AKAP19: variants seen among roughly 807,000 people sequenced by gnomAD.
The protein encoded by AKAP19 is small A-kinase anchoring protein.
chr2:189,941,495 G>A, the AKAP19 span, among the ~76,000 whole-genome samples: 5 of 151,366 alleles, frequency 3.3e-5, no homozygotes, highest in African/African-American at 9.8e-5. Flanking sequence ...GAATTTAAAC[G>A]TAAAGTTTTT....
the AKAP19 span, among the ~76,000 whole-genome samples, chr2:189,927,175 TG>T: frequency 6.6e-6 from 1 of 152,194 alleles, no homozygotes; most frequent in South Asian, 2.1e-4. Flanking sequence ...ATTACAGGCA[TG>T]AGTTCCCATG....
the AKAP19 span, among the ~76,000 whole-genome samples, chr2:189,988,282 C>T: frequency 2.6e-5 from 4 of 152,098 alleles, no homozygotes; most frequent in Admixed American, 6.6e-5. Context: ...CAAAGAACCC[C>T]GTAAAACTTT....
At chr2:190,165,582 A>G in the AKAP19 span, among the ~76,000 whole-genome samples, 1 of 152,228 alleles carries the variant, frequency 6.6e-6, no homozygotes, top group Non-Finnish European at 1.5e-5. Context: ...AGAACTTTCA[A>G]TTTACAGAAA....
chr2:189,976,035 C>A, the AKAP19 span, among the ~76,000 whole-genome samples: 1 of 152,200 alleles, frequency 6.6e-6, no homozygotes, highest in Non-Finnish European at 1.5e-5. Context: ...AAGCGGCGTT[C>A]CTTGGAGGGG....
chr2:189,901,749 A>G, the AKAP19 span, among the ~76,000 whole-genome samples: 1 of 152,206 alleles, frequency 6.6e-6, no homozygotes, highest in East Asian at 1.9e-4. Flanking sequence ...CCTCAAACTT[A>G]ATAAATAATT....
chr2:189,960,895 A>G, the AKAP19 span, among the ~76,000 whole-genome samples: 1 of 152,140 alleles, frequency 6.6e-6, no homozygotes, highest in African/African-American at 2.4e-5. Flanking sequence ...AAAAGAGACT[A>G]TTGGTTAACT....
At chr2:189,881,128 A>G in the AKAP19 span, among the ~76,000 whole-genome samples, 1 of 152,140 alleles carries the variant, frequency 6.6e-6, no homozygotes, top group African/African-American at 2.4e-5. Context: ...ATTTTACTGC[A>G]AAGCCAAATG....
At chr2:190,094,483 C>T in the AKAP19 span, among the ~76,000 whole-genome samples, 2 of 152,192 alleles carry the variant, frequency 1.3e-5, no homozygotes, top group Non-Finnish European at 2.9e-5. Context: ...TTACAAAATT[C>T]CTTACTCTTT....
the AKAP19 span, among the ~76,000 whole-genome samples, chr2:189,956,597 G>T: frequency 1.3e-5 from 2 of 151,238 alleles, no homozygotes; most frequent in African/African-American, 2.4e-5. Flanking sequence ...ATTTTTTTTT[G>T]AGATAGGGTC....
chr2:189,952,915 T>C, the AKAP19 span, among the ~76,000 whole-genome samples: 1 of 152,136 alleles, frequency 6.6e-6, no homozygotes, highest in African/African-American at 2.4e-5. Flanking sequence ...GACTTGAAAA[T>C]TGCAGACTGT....
chr2:190,112,947 T>C, the AKAP19 span, among the ~76,000 whole-genome samples: 1 of 152,120 alleles, frequency 6.6e-6, no homozygotes, highest in African/African-American at 2.4e-5. Flanking sequence ...TTTTTTATTA[T>C]TAAATAACTG....
the AKAP19 span, among the ~76,000 whole-genome samples, chr2:189,915,655 A>C: frequency 1.3e-5 from 2 of 152,154 alleles, no homozygotes; most frequent in African/African-American, 2.4e-5. Flanking sequence ...ACTTAAATAT[A>C]GTTTCCCTTG....
At chr2:190,006,845 C>T in the AKAP19 span, among the ~76,000 whole-genome samples, 2 of 151,898 alleles carry the variant, frequency 1.3e-5, no homozygotes, top group African/African-American at 2.4e-5. Context: ...AGTGAAACCA[C>T]GACTCTACTA....
At chr2:189,992,246 G>A in the AKAP19 span, among the ~76,000 whole-genome samples, 3 of 152,000 alleles carry the variant, frequency 2.0e-5, no homozygotes, top group Non-Finnish European at 2.9e-5. Flanking sequence ...AGTAGAGACA[G>A]GTTTTCACCA....
chr2:189,929,119 GT>G, the AKAP19 span, among the ~76,000 whole-genome samples: 3 of 152,124 alleles, frequency 2.0e-5, no homozygotes, highest in African/African-American at 7.2e-5. Context: ...CTGCATTTGT[GT>G]GCAAAATGTG....
chr2:189,998,955 A>G, the AKAP19 span, among the ~76,000 whole-genome samples: 1 of 151,492 alleles, frequency 6.6e-6, no homozygotes, highest in South Asian at 2.1e-4. Context: ...TATTTTCAGT[A>G]GAGACAGGGT....
chr2:190,145,938 T>G, the AKAP19 span, among the ~76,000 whole-genome samples: 139,582 of 148,466 alleles, frequency 0.94, 66,286 homozygotes, highest in East Asian at 1. Flanking sequence ...AATTTTAGTA[T>G]ATATTTCCAG....
the AKAP19 span, among the ~76,000 whole-genome samples, chr2:190,059,868 G>A: frequency 6.6e-6 from 1 of 151,936 alleles, no homozygotes; most frequent in Non-Finnish European, 1.5e-5. Flanking sequence ...TGCAAAGTAA[G>A]AGTATCAAGG....
the AKAP19 span, among the ~76,000 whole-genome samples, chr2:190,063,547 A>G: frequency 1.3e-5 from 2 of 152,166 alleles, no homozygotes; most frequent in Non-Finnish European, 2.9e-5. Flanking sequence ...GGCATGGCAG[A>G]GATTATTACA....
Sources: allele counts gnomAD v4.1 joint callset (sites outside exome capture counted in the v4.1 genomes callset), GRCh38; gene constraint gnomAD v4.1.1; transcripts MANE v1.5; gene names NCBI Gene and HGNC (gene_info 2026-07-23, HGNC 2026-07-21).